DZIP1: variants seen among roughly 807,000 people sequenced by gnomAD.
DZIP1 encodes cilium assembly protein DZIP1.
Under a neutral mutation model 107.6 loss-of-function variants are expected in DZIP1, and 97 were observed. The ratio of observed to expected loss-of-function variants is 0.90; its 90% confidence interval spans 0.77 to 1.07. The LOEUF (loss-of-function observed/expected upper bound fraction) is 1.07, where lower values mean the gene tolerates loss of function less well. DZIP1 is among the 50% of genes least tolerant of loss of function. The probability of loss-of-function intolerance (pLI) is 0.00; values close to 1 mark genes in which losing one functional copy is unlikely to be tolerated. For synonymous variants in DZIP1, 390 were observed against 386.4 expected (o/e 1.01, Z -0.11); for missense variants, 1,035 against 1,063.6 (o/e 0.97, Z 0.37).
At chr13:95,595,403 T>C (rs1417980874) in intron 15 of DZIP1, among the ~76,000 whole-genome samples, 1 of 152,242 alleles carries the variant, frequency 6.6e-6, no homozygotes, top group Non-Finnish European at 1.5e-5. Flanking sequence ...AAAAATACTA[T>C]TCTATGTTTT....
chr13:95,606,893 A>G (rs1016541720), intron 13 of DZIP1, among the ~76,000 whole-genome samples: 5 of 152,182 alleles, frequency 3.3e-5, no homozygotes, highest in Non-Finnish European at 5.9e-5. Context: ...GACAATTCTT[A>G]TCTGAAAGTC....
intron 6 of DZIP1, 39 bp downstream of exon 6, chr13:95,633,195 C>T (rs370217102): frequency 9.6e-6 from 15 of 1,570,362 alleles, no homozygotes; most frequent in Admixed American, 3.4e-5. Context: ...AAAAAGGGAG[C>T]AGGAAGAAAA....
chr13:95,608,087 A>G (rs2044839695), intron 13 of DZIP1, among the ~76,000 whole-genome samples: 1 of 152,140 alleles, frequency 6.6e-6, no homozygotes, highest in South Asian at 2.1e-4. Context: ...ATCCTTTTGT[A>G]TGCTGGGAAG....
At chr13:95,638,894 G>A (rs1203160822) in intron 5 of DZIP1, among the ~76,000 whole-genome samples, 4 of 152,234 alleles carry the variant, frequency 2.6e-5, no homozygotes, top group Non-Finnish European at 4.4e-5. Context: ...CCCAATCATT[G>A]TGTCAGAACA....
At chr13:95,636,382 A>G (rs1256638797) in intron 5 of DZIP1, among the ~76,000 whole-genome samples, 1 of 152,104 alleles carries the variant, frequency 6.6e-6, no homozygotes, top group East Asian at 1.9e-4. Context: ...GTCTCTACTA[A>G]AAATACAAAA....
chr13:95,611,196 C>T (rs545306443), intron 12 of DZIP1, among the ~76,000 whole-genome samples: 1 of 152,154 alleles, frequency 6.6e-6, no homozygotes, highest in South Asian at 2.1e-4. Flanking sequence ...GTATTATGTG[C>T]CTAATAGTAC....
chr13:95,629,134 A>G (rs1247861347), intron 7 of DZIP1, among the ~76,000 whole-genome samples: 1 of 152,242 alleles, frequency 6.6e-6, no homozygotes, highest in African/African-American at 2.4e-5. Flanking sequence ...TGCTGTCCCC[A>G]TGGGGGAAAC....
chr13:95,599,231 G>A, intron 15 of DZIP1, 134 bp downstream of exon 15: 1 of 745,580 alleles, frequency 1.3e-6, no homozygotes. Flanking sequence ...TGGGTTGAAA[G>A]TAAAATCCAA....
chr13:95,626,201 C>T (rs1318700549), intron 7 of DZIP1, among the ~76,000 whole-genome samples: 1 of 151,626 alleles, frequency 6.6e-6, no homozygotes, highest in Non-Finnish European at 1.5e-5. Flanking sequence ...ATGAACAAAC[C>T]AAACTCAAAG....
chr13:95,598,013 C>A (rs1159567260), intron 15 of DZIP1, among the ~76,000 whole-genome samples: 1 of 152,094 alleles, frequency 6.6e-6, no homozygotes, highest in Non-Finnish European at 1.5e-5. Context: ...ATTTGTTTAG[C>A]AATGGAACAA....
chr13:95,594,932 C>G (rs981184699), intron 15 of DZIP1, among the ~76,000 whole-genome samples: 1 of 151,932 alleles, frequency 6.6e-6, no homozygotes, highest in Non-Finnish European at 1.5e-5. Flanking sequence ...ATGGCATAAC[C>G]TTTAAAAATC....
chr13:95,588,473 T>G (rs2044223508), intron 19 of DZIP1, among the ~76,000 whole-genome samples: 1 of 152,232 alleles, frequency 6.6e-6, no homozygotes, highest in African/African-American at 2.4e-5. Flanking sequence ...TACTCATAAT[T>G]AGTAACAATA....
chr13:95,633,123 G>T (rs536371616), intron 6 of DZIP1, 111 bp downstream of exon 6: 180 of 976,658 alleles, frequency 1.8e-4, no homozygotes, highest in Non-Finnish European at 2.7e-4. Flanking sequence ...AATTGACAGG[G>T]ACCGTGATGC....
At chr13:95,638,501 G>A (rs769992303) in intron 5 of DZIP1, among the ~76,000 whole-genome samples, 2 of 152,054 alleles carry the variant, frequency 1.3e-5, no homozygotes, top group Admixed American at 6.5e-5. Context: ...AAATCGATGA[G>A]ATTTTTCTTT....
intron 5 of DZIP1, among the ~76,000 whole-genome samples, chr13:95,636,371 T>C (rs185852315): frequency 1.5e-3 from 228 of 151,912 alleles, no homozygotes; most frequent in Non-Finnish European, 2.8e-3. Flanking sequence ...GGCGAAACCC[T>C]GTCTCTACTA....
Position 95,609,523 on chromosome 13 carries a change from CAG to C in DZIP1, c.1364-12_1364-11del. The C allele has an allele frequency of 3.2e-6, 5 of 1,577,424 alleles. No individual in the cohort carries two copies. The highest frequency in any genetic ancestry group is 4.3e-6 in the Non-Finnish European group (5 of 1,162,980). On this transcript the variant is annotated splice_polypyrimidine_tract_variant and intron_variant, in intron 12 of 22. Coordinates refer to ENST00000376829, the MANE Select transcript of DZIP1 (RefSeq NM_198968.4). Reference sequence around the variant, plus strand: ...CAGGCTAAAGGATTTCCTGAAATGACAGAAAAATAAATGAACAAAAAACATCA... The same window carrying C: ...CAGGCTAAAGGATTTCCTGAAATGACAAAAATAAATGAACAAAAAACATCA...
chr13:95,589,277 G>A, intron 18 of DZIP1, 70 bp from the exon 19 acceptor site: 3 of 1,288,444 alleles, frequency 2.3e-6, no homozygotes, highest in Non-Finnish European at 3.3e-6. Context: ...ACATTTCTAT[G>A]GAACTGGTGA....
At position 95,590,395 on chromosome 13, in the gene DZIP1, C is replaced by G. The variant is rs370244086; in HGVS notation, c.1727G>C (p.Ser576Thr). The change falls in exon 17 of 23, where the codon AGT becomes ACT. Residue 576 changes from serine (S) to threonine (T), a missense_variant. Ser to Thr is a moderately conservative substitution (Grantham distance 58). Transcript: ENST00000376829. ...TTGCTTATGTCTTTCTGATTCCACA[C>G]TTTTTAGTACTCTATGCAACTGATC... ...SSDQLHRVLK[S>T]VESERHKQER... 6.2e-7 allele frequency: 1 copy of G among 1,613,202 alleles called. No homozygotes were observed. Among genetic ancestry groups the G allele is most frequent in the African/African-American group, 1.3e-5 (1 of 74,862 alleles).
Position 95,641,583 on chromosome 13 carries a change from G to C in DZIP1, c.309C>G (p.Asp103Glu). The change falls in exon 5 of 23, where the codon GAC (aspartate) becomes GAG (glutamate). Residue 103 changes from aspartate (D) to glutamate (E), a missense_variant. Physicochemically the swap from Asp to Glu is conservative, Grantham distance 45 (BLOSUM62 2). Transcript: ENST00000376829. The surrounding 1 kb of genome is among the most constrained non-coding windows in gnomAD (Gnocchi z 4.3). ...CCGACTGGCAGTGTGGGCACTTCTCGTCTTCCAGCTTGCAGAAGGTGATGT... is the reference window on the plus strand; with the variant it reads ...CCGACTGGCAGTGTGGGCACTTCTCCTCTTCCAGCTTGCAGAAGGTGATGT... ...IMNITFCKLEDEKCPHCQSGV... is the reference protein window; with the variant it reads ...IMNITFCKLEEEKCPHCQSGV... 2 of 1,613,520 alleles carry C rather than the reference G, an allele frequency of 1.2e-6. No individual in the cohort carries two copies. The highest frequency in any genetic ancestry group is 1.7e-6 in the Non-Finnish European group (2 of 1,180,042).
Sources: allele counts gnomAD v4.1 joint callset (sites outside exome capture counted in the v4.1 genomes callset), GRCh38; gene constraint gnomAD v4.1.1; non-coding constraint Gnocchi (gnomAD v3.1); transcripts MANE v1.5; gene names NCBI Gene and HGNC (gene_info 2026-07-23, HGNC 2026-07-21).